Variants in NEMP2 observed in about 807,000 individuals in gnomAD.
NEMP2 encodes the protein UPF0571 transmembrane protein.
Under a neutral mutation model 54.2 loss-of-function variants are expected in NEMP2, and 53 were observed. That is an observed-to-expected ratio of 0.98 (90% confidence interval 0.78 to 1.23). The LOEUF (loss-of-function observed/expected upper bound fraction) is 1.23, where lower values mean the gene tolerates loss of function less well. Ranked by LOEUF, NEMP2 falls within the 50% of genes most tolerant of loss-of-function variation. The pLI, the probability that NEMP2 is intolerant of heterozygous loss-of-function variation, is 0.00. For missense variants in NEMP2, 455 were observed against 511.3 expected (o/e 0.89, Z 1.06); for synonymous variants, 197 against 190.3 (o/e 1.04, Z -0.29).
the NEMP2 span, among the ~76,000 whole-genome samples, chr2:190,644,655 A>G: frequency 6.6e-6 from 1 of 152,146 alleles, no homozygotes. This position sits in a 1 kb window ranked among gnomAD's most constrained non-coding sequence, Gnocchi z 4.4. Context: ...CAGAAAATCA[A>G]ATACCTCATG....
At chr2:190,468,197 C>G in the NEMP2 span, among the ~76,000 whole-genome samples, 1 of 152,130 alleles carries the variant, frequency 6.6e-6, no homozygotes, top group Admixed American at 6.5e-5. Context: ...TACTTTTCTC[C>G]TCCAAACACA....
At chr2:190,478,176 C>T in the NEMP2 span, among the ~76,000 whole-genome samples, 1 of 152,198 alleles carries the variant, frequency 6.6e-6, no homozygotes, top group Admixed American at 6.5e-5. Flanking sequence ...GGCTACGATA[C>T]ATACTTCTGT....
rs1010890621 is a variant in NEMP2, at chr2:190,523,332, C to T, written c.213+1931G>A. Among the ~76,000 whole-genome samples the T allele has an allele frequency of 6.6e-6, 1 of 151,894 alleles. No individual in the cohort carries two copies. The highest frequency in any genetic ancestry group is 6.6e-5 in the Admixed American group (1 of 15,248). ...TGTTTTTTGTAATGGTATGACTTAC[C>T]AATTCTGTAACTACTTTTAGTGTAT... On this transcript the variant is annotated intron_variant, in intron 2 of 8. Transcript: ENST00000409150. The surrounding 1 kb of genome is among the most constrained non-coding windows in gnomAD (Gnocchi z 5.3).
At chr2:190,619,031 T>C in the NEMP2 span, among the ~76,000 whole-genome samples, 1 of 152,206 alleles carries the variant, frequency 6.6e-6, no homozygotes, top group Non-Finnish European at 1.5e-5. The surrounding 1 kb of genome is among the most constrained non-coding windows in gnomAD (Gnocchi z 5.5). Context: ...CTCTCTTCTA[T>C]CAGAGAGAGC....
At chr2:190,542,824 C>T in the NEMP2 span, among the ~76,000 whole-genome samples, 3 of 152,188 alleles carry the variant, frequency 2.0e-5, no homozygotes, top group Non-Finnish European at 4.4e-5. The surrounding 1 kb of genome is among the most constrained non-coding windows in gnomAD (Gnocchi z 4.6). Context: ...TTCCCTAAAT[C>T]TGCTGTTTTG....
chr2:190,435,818 C>A, the NEMP2 span: 2 of 598,848 alleles, frequency 3.3e-6, no homozygotes, highest in Non-Finnish European at 5.3e-6. Context: ...AGCTATTTTT[C>A]CTTACCGGTA....
chr2:190,483,835 C>G, the NEMP2 span, among the ~76,000 whole-genome samples: 3 of 86,660 alleles, frequency 3.5e-5, no homozygotes, highest in Non-Finnish European at 4.8e-5. Context: ...AACTCATTTT[C>G]AAAAAAAAAA....
the NEMP2 span, among the ~76,000 whole-genome samples, chr2:190,485,017 GA>G: frequency 6.6e-6 from 1 of 152,136 alleles, no homozygotes; most frequent in South Asian, 2.1e-4. This position sits in a 1 kb window ranked among gnomAD's most constrained non-coding sequence, Gnocchi z 5.1. Context: ...AAGCAATATA[GA>G]AACTAGAAGT....
chr2:190,495,233 A>G, the NEMP2 span, among the ~76,000 whole-genome samples: 1 of 152,116 alleles, frequency 6.6e-6, no homozygotes, highest in Admixed American at 6.6e-5. The surrounding 1 kb of genome is among the most constrained non-coding windows in gnomAD (Gnocchi z 4.7). Context: ...CAAATCAAGA[A>G]CCCAACACCT....
chr2:190,612,150 C>T, the NEMP2 span, among the ~76,000 whole-genome samples: 3 of 141,504 alleles, frequency 2.1e-5, no homozygotes, highest in Non-Finnish European at 3.0e-5. Context: ...CTAAACATCC[C>T]TCTTTTTTTT....
At chr2:190,583,759 G>A in the NEMP2 span, among the ~76,000 whole-genome samples, 2 of 152,220 alleles carry the variant, frequency 1.3e-5, no homozygotes, top group African/African-American at 4.8e-5. Flanking sequence ...GGACTGTTGT[G>A]TTTTCACGCA....
chr2:190,480,769 A>C, the NEMP2 span, among the ~76,000 whole-genome samples: 1 of 152,240 alleles, frequency 6.6e-6, no homozygotes, highest in Non-Finnish European at 1.5e-5. Flanking sequence ...GGAGAGGTTG[A>C]CATGAGTATT....
chr2:190,534,726 G>A (rs1009566068), upstream of NEMP2: 70 of 1,142,186 alleles, frequency 6.1e-5, no homozygotes, highest in Non-Finnish European at 7.8e-5. Context: ...CGGAAGTGGC[G>A]CGGGGGCTCA....
At chr2:190,646,259 C>T in the NEMP2 span, among the ~76,000 whole-genome samples, 1 of 152,174 alleles carries the variant, frequency 6.6e-6, no homozygotes, top group Non-Finnish European at 1.5e-5. Context: ...AGAGGATAAT[C>T]AGACACCATA....
chr2:190,628,753 T>A, the NEMP2 span: 1 of 152,124 alleles, frequency 6.6e-6, no homozygotes, highest in African/African-American at 2.4e-5. This position sits in a 1 kb window ranked among gnomAD's most constrained non-coding sequence, Gnocchi z 4.1. Flanking sequence ...GAAAAATAAA[T>A]CTACAGTGAG....
the NEMP2 span, among the ~76,000 whole-genome samples, chr2:190,450,383 T>TCTGAAATAC: frequency 6.6e-6 from 1 of 152,142 alleles, no homozygotes; most frequent in Non-Finnish European, 1.5e-5. Flanking sequence ...CATTCTTATT[T>TCTGAAATAC]CTGAAATACT....
chr2:190,632,833 A>C, the NEMP2 span, among the ~76,000 whole-genome samples: 1 of 152,262 alleles, frequency 6.6e-6, no homozygotes, highest in Non-Finnish European at 1.5e-5. The surrounding 1 kb of genome is among the most constrained non-coding windows in gnomAD (Gnocchi z 4.8). Flanking sequence ...ATATGTGGTC[A>C]TTATAGAATA....
chr2:190,539,883 C>T, the NEMP2 span, among the ~76,000 whole-genome samples: 7 of 152,274 alleles, frequency 4.6e-5, no homozygotes, highest in South Asian at 1.5e-3. This position sits in a 1 kb window ranked among gnomAD's most constrained non-coding sequence, Gnocchi z 4.1. Flanking sequence ...AATTTGACTT[C>T]TTCCTTTCCA....
chr2:190,554,373 C>A, the NEMP2 span, among the ~76,000 whole-genome samples: 128 of 152,324 alleles, frequency 8.4e-4, no homozygotes, highest in African/African-American at 2.9e-3. The surrounding 1 kb of genome is among the most constrained non-coding windows in gnomAD (Gnocchi z 5.7). Context: ...CAGGTCCCAC[C>A]CCCACAGAGC....
Sources: gnomAD v4.1 joint callset for allele counts (sites outside exome capture counted in the v4.1 genomes callset) on GRCh38, gnomAD v4.1.1 for gene constraint, Gnocchi (gnomAD v3.1) non-coding constraint, MANE v1.5 for transcripts, NCBI Gene and HGNC (gene_info 2026-07-23, HGNC 2026-07-21) for gene names.